Variants in IGSF1 observed in about 807,000 individuals in gnomAD.
IGSF1 encodes the protein immunoglobulin superfamily member 1, also known as immunoglobulin-like domain-containing protein 1.
Under a neutral mutation model 95.3 loss-of-function variants are expected in IGSF1, and 40 were observed. The ratio of observed to expected loss-of-function variants is 0.42; its 90% CI spans 0.33 to 0.55. IGSF1 has a LOEUF of 0.55. IGSF1 is among the 20% of genes least tolerant of loss of function. IGSF1 has a pLI of 0.10. For synonymous variants in IGSF1, 372 were observed against 382.9 expected (o/e 0.97, Z 0.33); for missense variants, 906 against 1,025.4 (o/e 0.88, Z 1.59).
rs142822502 is a variant in IGSF1 at position 131,285,137 on chromosome X, G to C, written c.667+42C>G. The C allele has an allele frequency of 9.9e-4, 1,128 of 1,144,262 alleles. 2 individuals are homozygous for C. Among genetic ancestry groups the C allele is most frequent in the Non-Finnish European group, 1.2e-3 (1,061 of 862,695 alleles). 94.3% of individuals were successfully genotyped at this position (1,144,262 alleles called of 1,213,427 possible). On this transcript the variant is annotated intron_variant, in intron 5 of 19. Transcript: ENST00000361420. ...CTAGCTCAGCCAGCCATGATACCTG[G>C]GACAACAATTGCCAGATGCCAGCAG...
intron 1 of IGSF1, among the ~76,000 whole-genome samples, chrX:131,288,782 C>T (rs2080677989): frequency 9.3e-6 from 1 of 107,850 alleles, no homozygotes; most frequent in Non-Finnish European, 1.9e-5. Context: ...GCTGCCTAGC[C>T]GTTTTACCCT....
Position 131,285,168 on chromosome X carries a change from G to GCCACAC in IGSF1, c.667+5_667+10dup. On this transcript the variant is annotated intron_variant, in intron 5 of 19. Transcript: ENST00000361420. ...CAATTGCCAGATGCCAGCAGCCATAGCCACACCCACCTGCTACAACCAGCT... is the reference window on the plus strand; with the variant it reads ...CAATTGCCAGATGCCAGCAGCCATAGCCACACCCACACCCACCTGCTACAACCAGCT... 1 of 1,170,801 alleles carries GCCACAC rather than the reference G, an allele frequency of 8.5e-7. No individual in the cohort carries two copies. Among genetic ancestry groups the GCCACAC allele is most frequent in the Non-Finnish European group, 1.1e-6 (1 of 873,218 alleles).
rs775459929 is a variant in IGSF1 at position 131,276,927 on chromosome X, C to T, written c.2608+12G>A. On this transcript the variant is annotated intron_variant, in intron 14 of 19. Transcript: ENST00000361420. ...GTTGGCACCACCTCTACCTGGAGTCCCCCCTCCTAACCTGTCACCACGAGC... is the reference window on the plus strand; with the variant it reads ...GTTGGCACCACCTCTACCTGGAGTCTCCCCTCCTAACCTGTCACCACGAGC... 1.0e-5 allele frequency: 12 copies of T among 1,202,833 alleles called. No individual in the cohort carries two copies. The highest frequency in any genetic ancestry group is 6.6e-5 in the Admixed American group (3 of 45,450).
chrX:131,279,629 G>A (rs992618288), intron 9 of IGSF1, among the ~76,000 whole-genome samples: 1 of 107,599 alleles, frequency 9.3e-6, no homozygotes, highest in African/African-American at 3.4e-5. Flanking sequence ...GGTTGTTGCT[G>A]GAATTGAGAT....
In IGSF1 at chrX:131,281,463, C is replaced by T. The variant is rs555751053; in HGVS notation, c.1526-125G>A. On this transcript the variant is annotated intron_variant, in intron 8 of 19. Coordinates refer to ENST00000361420, the MANE Select transcript of IGSF1 (RefSeq NM_001555.5). ...ATTGAGAAGGTGAGGCAGAAGTGGC[C>T]TTCTTTTTCATGGAGAATGGGAGCC... 3.2e-6 allele frequency: 3 copies of T among 940,676 alleles called. No individual in the cohort carries two copies. The South Asian group carries it at 7.0e-5, about 22-fold the overall frequency. The allele number at this position is 940,676 out of a possible 1,213,427, so 77.5% of individuals were successfully genotyped here.
At chrX:131,280,637 G>A (rs755259541) in intron 9 of IGSF1, among the ~76,000 whole-genome samples, 1 of 112,090 alleles carries the variant, frequency 8.9e-6, no homozygotes, top group South Asian at 3.8e-4. Context: ...GTGAGTCAGA[G>A]GAAACAGTCT....
chrX:131,279,898 T>C (rs929261272), intron 9 of IGSF1, among the ~76,000 whole-genome samples: 15 of 112,144 alleles, frequency 1.3e-4, no homozygotes, highest in African/African-American at 4.9e-4. Flanking sequence ...CGAGCCAAGC[T>C]TTTCAGAGAG....
intron 7 of IGSF1, 52 bp downstream of exon 7, chrX:131,282,392 A>G: frequency 1.9e-6 from 2 of 1,059,701 alleles, no homozygotes; most frequent in South Asian, 4.1e-5. Context: ...ACAACACCAC[A>G]ATGATGATAA....
intron 1 of IGSF1, chrX:131,288,902 G>A (rs913821531): frequency 1.8e-5 from 4 of 223,195 alleles, no homozygotes; most frequent in African/African-American, 2.9e-5. Flanking sequence ...ATAGCTTTGA[G>A]GGCTCCAGGA....
At position 131,275,670 on chromosome X, in the gene IGSF1, C is replaced by T. The variant is rs763164584; in HGVS notation, c.2992G>A (p.Val998Ile). Residue 998 changes from valine (V) to isoleucine (I), a missense_variant, in exon 16 of 20, where the codon GTA becomes ATA. Around this residue, in one of 5 missense-constraint regions of IGSF1, gnomAD observed 411 missense variants for 494.9 expected, o/e 0.83. Transcript: ENST00000361420. ...TLWCRGPVHGVGYILHKEGEA... is the reference protein window; with the variant it reads ...TLWCRGPVHGIGYILHKEGEA... ...CCTTCTTTGTGCAGAATGTATCCTA[C>T]TCCATGGACCGGCCCTCGGCACCAG... The T allele has an allele frequency of 8.3e-7, 1 of 1,209,237 alleles. No homozygotes were observed. The highest frequency in any genetic ancestry group is 1.8e-5 in the South Asian group (1 of 56,766).
At position 131,286,066 on chromosome X, in the gene IGSF1, C is replaced by A; in HGVS notation, c.98-18G>T. Reference sequence around the variant, plus strand: ...GTCCATCACTGTTATTCCCAAAGATCAAAAAGATATGAGCAGTCCAACCCT... The same window carrying A: ...GTCCATCACTGTTATTCCCAAAGATAAAAAAGATATGAGCAGTCCAACCCT... On this transcript the variant is annotated intron_variant, in intron 3 of 19. Coordinates refer to ENST00000361420, the MANE Select transcript of IGSF1 (RefSeq NM_001555.5). The A allele has an allele frequency of 8.5e-7, 1 of 1,171,654 alleles. No individual in the cohort carries two copies. Among genetic ancestry groups the A allele is most frequent in the Admixed American group, 2.3e-5 (1 of 43,149 alleles).
Position 131,275,527 on chromosome X carries a change from G to T in IGSF1, c.3135C>A (p.Thr1045=). 8.3e-7 allele frequency: 1 copy of T among 1,211,325 alleles called. No individual in the cohort carries two copies. The highest frequency in any genetic ancestry group is 2.3e-4 in the Middle Eastern group (1 of 4,338). The change falls in exon 16 of 20, where the codon ACC becomes ACA. Residue 1045 remains threonine, a synonymous_variant. Transcript: ENST00000361420. ...TGCTAGGTTGTATCTTGATAGAACT[G>T]GTCCAGTCAGGGTGGTAGCAGCAGC... The part of the protein sequence containing the change: ...RYSCCYHPDW[T]SSIKIQPSNT...
intron 3 of IGSF1, 22 bp from the exon 4 acceptor site, chrX:131,286,070 A>C (rs1459923335): frequency 9.5e-6 from 11 of 1,163,710 alleles, no homozygotes; most frequent in Non-Finnish European, 1.2e-5. Context: ...AAAGATCAAA[A>C]AGATATGAGC....
In IGSF1 at chrX:131,273,801, T is replaced by C. The variant is rs139882934; in HGVS notation, c.4006A>G (p.Ile1336Val). ...TCTTGTAAAGGAGGAGATTATTATATTGGAACGGGCAGTTCCACAGAGATT... is the reference window on the plus strand; with the variant it reads ...TCTTGTAAAGGAGGAGATTATTATACTGGAACGGGCAGTTCCACAGAGATT... ...QRISVELPVP[I>V] The change falls in exon 20 of 20, where the codon ATA becomes GTA. Residue 1336 changes from isoleucine (I) to valine (V), a missense_variant. By Grantham distance (29) the Ile-to-Val change is conservative (BLOSUM62 3). Transcript: ENST00000361420. 8 of 1,206,707 alleles carry C rather than the reference T, an allele frequency of 6.6e-6. No individual in the cohort carries two copies. The highest frequency in any genetic ancestry group is 1.8e-5 in the South Asian group (1 of 56,023).
At chrX:131,287,179 A>G (rs200499098) in intron 1 of IGSF1, among the ~76,000 whole-genome samples, 105 of 67,159 alleles carry the variant, frequency 1.6e-3, no homozygotes, top group African/African-American at 4.3e-3. Flanking sequence ...GTGTGTGTGT[A>G]TATATATATA....
rs773319089 is a variant in IGSF1 at position 131,285,964 on chromosome X, G to A, written c.182C>T (p.Pro61Leu). The change falls in exon 4 of 20, where the codon CCC becomes CTC. Residue 61 changes from proline (P) to leucine (L), a missense_variant. By Grantham distance (98) the Pro-to-Leu change is moderately conservative. This residue lies in a region of IGSF1 where 442 missense variants were observed against 448.1 expected (regional missense o/e 0.99). Transcript: ENST00000361420. The part of the protein sequence containing the change: ...WENITLWCRS[P>L]SRISSKFLLL... ...CAGGAACTTGCTTGATATCCGAGAG[G>A]GGCTTCGGCACCAAAGCGTGATGTT... is the stretch of plus-strand genomic sequence containing the variant. 5 of 1,210,526 alleles carry A rather than the reference G, an allele frequency of 4.1e-6. No homozygotes were observed. The East Asian group carries it at 1.2e-4, about 29-fold the overall frequency.
intron 9 of IGSF1, among the ~76,000 whole-genome samples, chrX:131,280,264 G>C (rs2080537743): frequency 1.8e-5 from 2 of 111,331 alleles, no homozygotes; most frequent in South Asian, 3.9e-4. Flanking sequence ...AAACTCAAAG[G>C]GTGGTGGTTT....
chrX:131,284,357 A>C (rs974795034), intron 5 of IGSF1: 1 of 210,409 alleles, frequency 4.8e-6, no homozygotes, highest in Non-Finnish European at 7.0e-6. Flanking sequence ...AGAGTAGAGG[A>C]AGCCAAAGCA....
At chrX:131,288,931 G>A in intron 1 of IGSF1, 1 of 234,092 alleles carries the variant, frequency 4.3e-6, no homozygotes, top group Non-Finnish European at 8.1e-6. Flanking sequence ...GGTTGGGCTC[G>A]GCGGGGTGCC....
Sources: allele counts gnomAD v4.1 joint callset (sites outside exome capture counted in the v4.1 genomes callset), GRCh38; gene constraint gnomAD v4.1.1; regional missense constraint gnomAD v4.1.1; transcripts MANE v1.5; gene names NCBI Gene and HGNC (gene_info 2026-07-23, HGNC 2026-07-21).